The following BMPR1B variants were observed in gnomAD, a reference collection of about 807,000 sequenced individuals.
BMPR1B encodes bone morphogenetic protein receptor type-1B.
BMPR1B carries 12 observed loss-of-function variants against 59.1 expected under a neutral mutation model. The observed-to-expected ratio is 0.20, with a 90% CI of 0.13 to 0.33. The LOEUF is 0.33. Among genes scored for constraint, BMPR1B ranks in the 10% least tolerant of loss-of-function variants. The pLI is 1.00. For missense variants in BMPR1B, 550 were observed against 610.9 expected (o/e 0.90, Z 1.05); for synonymous variants, 237 against 207.3 (o/e 1.14, Z -1.23).
chr4:94,939,233 T>TA (rs904024708), intron 2 of BMPR1B, among the ~76,000 whole-genome samples: 10 of 151,048 alleles, frequency 6.6e-5, no homozygotes, highest in Admixed American at 1.3e-4. Context: ...TGTATGTAAT[T>TA]AAAAAAAAAG....
At chr4:94,919,240 C>G (rs1728600132) in intron 2 of BMPR1B, among the ~76,000 whole-genome samples, 1 of 152,150 alleles carries the variant, frequency 6.6e-6, no homozygotes, top group Admixed American at 6.5e-5. Flanking sequence ...TTAACTGTCA[C>G]CAGCCTTTTC....
chr4:94,861,927 T>C (rs944332614), intron 1 of BMPR1B, among the ~76,000 whole-genome samples: 2 of 152,162 alleles, frequency 1.3e-5, no homozygotes, highest in African/African-American at 2.4e-5. Context: ...ATCCCAAGTC[T>C]GAGTTTTATT....
chr4:95,014,573 A>G (rs570381214), intron 3 of BMPR1B, among the ~76,000 whole-genome samples: 36 of 152,318 alleles, frequency 2.4e-4, no homozygotes, highest in Admixed American at 1.9e-3. Flanking sequence ...TGGCTCTGAA[A>G]TAAGGCTTGG....
intron 1 of BMPR1B, among the ~76,000 whole-genome samples, chr4:94,811,274 T>C (rs1441730257): frequency 1.3e-5 from 2 of 152,188 alleles, no homozygotes; most frequent in Non-Finnish European, 2.9e-5. Flanking sequence ...GGTTCCACCA[T>C]CTTTCATGTA....
At chr4:95,078,697 C>T (rs1164320499) in intron 3 of BMPR1B, among the ~76,000 whole-genome samples, 1 of 152,152 alleles carries the variant, frequency 6.6e-6, no homozygotes, top group Non-Finnish European at 1.5e-5. Context: ...TGTTTCACTC[C>T]TTATTTATCT....
At chr4:95,075,370 A>T (rs938175448) in intron 3 of BMPR1B, among the ~76,000 whole-genome samples, 1 of 152,044 alleles carries the variant, frequency 6.6e-6, no homozygotes, top group African/African-American at 2.4e-5. Flanking sequence ...TAGTGAATCT[A>T]TTGTTGGTCT....
intron 1 of BMPR1B, among the ~76,000 whole-genome samples, chr4:94,836,257 T>A (rs1578698852): frequency 6.6e-6 from 1 of 151,300 alleles, no homozygotes; most frequent in Non-Finnish European, 1.5e-5. Context: ...TGATTTATAG[T>A]CCTTTGGGTA....
At chr4:95,095,825 C>A (rs184528622) in intron 3 of BMPR1B, among the ~76,000 whole-genome samples, 20 of 151,902 alleles carry the variant, frequency 1.3e-4, no homozygotes, top group African/African-American at 4.3e-4. Context: ...GATTTTGATA[C>A]CCTTTTGACT....
intron 2 of BMPR1B, among the ~76,000 whole-genome samples, chr4:94,982,353 A>C (rs768648862): frequency 3.9e-5 from 6 of 152,182 alleles, no homozygotes; most frequent in African/African-American, 1.4e-4. Flanking sequence ...GAATTAAACA[A>C]TCAGATGCAT....
At chr4:94,824,356 T>G (rs1185965295) in intron 1 of BMPR1B, among the ~76,000 whole-genome samples, 1 of 152,192 alleles carries the variant, frequency 6.6e-6, no homozygotes, top group Non-Finnish European at 1.5e-5. Context: ...GTGGTAGCAC[T>G]TATTATATGG....
intron 1 of BMPR1B, among the ~76,000 whole-genome samples, chr4:94,832,335 C>T (rs1226505146): frequency 6.6e-6 from 1 of 152,114 alleles, no homozygotes; most frequent in Non-Finnish European, 1.5e-5. Flanking sequence ...GAACCTATTT[C>T]TGCCATTAAG....
chr4:94,954,135 A>G (rs1730054048), intron 2 of BMPR1B, among the ~76,000 whole-genome samples: 2 of 152,024 alleles, frequency 1.3e-5, no homozygotes, highest in South Asian at 4.2e-4. Context: ...TTCTTCTCTA[A>G]ACTGGTTAGA....
At chr4:95,067,867 A>G (rs1397298715) in intron 3 of BMPR1B, among the ~76,000 whole-genome samples, 1 of 152,348 alleles carries the variant, frequency 6.6e-6, no homozygotes, top group Non-Finnish European at 1.5e-5. Context: ...AATACAAAGA[A>G]TACTTTGGGA....
rs901140052 is a variant in BMPR1B, at chr4:95,066,680, T to C, written c.-17-37728T>C. Among the ~76,000 whole-genome samples the C allele has an allele frequency of 3.9e-5, 6 of 152,202 alleles. No individual in the cohort carries two copies. The East Asian group carries it at 9.6e-4, about 24-fold the overall frequency. Reference sequence around the variant, plus strand: ...TGACTAGATAATACTTTTCAAATTGTGGTCCCTGCAGTGGCATTACATGGG... The same window carrying C: ...TGACTAGATAATACTTTTCAAATTGCGGTCCCTGCAGTGGCATTACATGGG... On this transcript the variant is annotated intron_variant, in intron 3 of 12. Coordinates refer to ENST00000515059, the MANE Select transcript of BMPR1B (RefSeq NM_001203.3).
intron 9 of BMPR1B, 77 bp downstream of exon 9, chr4:95,130,131 C>T (rs1163253080): frequency 5.9e-6 from 9 of 1,526,824 alleles, no homozygotes; most frequent in Non-Finnish European, 8.1e-6. Context: ...TGCATGTTAA[C>T]TCATCTGTCT....
chr4:94,807,579 T>A (rs1312133955), intron 1 of BMPR1B, among the ~76,000 whole-genome samples: 2 of 152,288 alleles, frequency 1.3e-5, no homozygotes, highest in Non-Finnish European at 2.9e-5. Context: ...CCCGAAACAT[T>A]GTAACTGGAG....
intron 1 of BMPR1B, among the ~76,000 whole-genome samples, chr4:94,858,601 G>T (rs1450144344): frequency 6.6e-6 from 1 of 152,020 alleles, no homozygotes; most frequent in Non-Finnish European, 1.5e-5. Flanking sequence ...ACCAAAAAAT[G>T]GAAAGAGTTA....
chr4:95,103,105 ATAGTT>A (rs1429889887), intron 3 of BMPR1B, among the ~76,000 whole-genome samples: 3 of 152,146 alleles, frequency 2.0e-5, no homozygotes, highest in Admixed American at 6.6e-5. Flanking sequence ...ATGAAATATT[ATAGTT>A]AATAGAGAGA....
intron 2 of BMPR1B, among the ~76,000 whole-genome samples, chr4:94,990,216 C>T (rs1721647662): frequency 6.6e-6 from 1 of 151,976 alleles, no homozygotes; most frequent in Admixed American, 6.5e-5. Flanking sequence ...ATTAGCCAGG[C>T]GTAGTGGCAG....
Sources: allele counts gnomAD v4.1 joint callset (sites outside exome capture counted in the v4.1 genomes callset), GRCh38; gene constraint gnomAD v4.1.1; transcripts MANE v1.5; gene names NCBI Gene and HGNC (gene_info 2026-07-23, HGNC 2026-07-21).